The following NCKAP5 variants were observed in gnomAD, a reference collection of about 807,000 sequenced individuals.
NCKAP5 encodes NCK associated protein 5.
A neutral mutation model predicts 167.0 loss-of-function variants in NCKAP5; 92 were observed. The ratio of observed to expected loss-of-function variants is 0.55; its 90% CI spans 0.47 to 0.66. The LOEUF (loss-of-function observed/expected upper bound fraction) is 0.66. NCKAP5 is among the 30% of genes least tolerant of loss of function. The pLI, the probability that NCKAP5 is intolerant of heterozygous loss-of-function variation, is 0.00. For missense variants in NCKAP5, 2,378 were observed against 2,315.0 expected, an observed-to-expected ratio of 1.03 and a Z score of -0.56; for synonymous variants, 891 against 877.4, an observed-to-expected ratio of 1.02 and a Z score of -0.27.
intron 5 of NCKAP5, among the ~76,000 whole-genome samples, chr2:133,172,974 CG>C (rs1359483267): frequency 6.6e-6 from 1 of 152,078 alleles, no homozygotes; most frequent in Non-Finnish European, 1.5e-5. Context: ...CGGGAGCCAC[CG>C]TGACGGGCTA....
intron 8 of NCKAP5, among the ~76,000 whole-genome samples, chr2:132,897,088 A>G (rs969385815): frequency 6.6e-6 from 1 of 152,246 alleles, no homozygotes; most frequent in South Asian, 2.1e-4. Context: ...ACAGAGGATG[A>G]AATTTTAACT....
chr2:133,483,746 G>A (rs1262214260), intron 3 of NCKAP5, among the ~76,000 whole-genome samples: 4 of 152,036 alleles, frequency 2.6e-5, no homozygotes, highest in African/African-American at 7.2e-5. Context: ...CTAGAACAGT[G>A]GCTTCCCAAA....
intron 2 of NCKAP5, among the ~76,000 whole-genome samples, chr2:133,529,675 C>G (rs1314362708): frequency 6.6e-6 from 1 of 152,116 alleles, no homozygotes; most frequent in Non-Finnish European, 1.5e-5. Flanking sequence ...GTAAGACTAC[C>G]TGTTTTCCAT....
chr2:132,868,413 T>C (rs1418420256), intron 10 of NCKAP5, among the ~76,000 whole-genome samples: 1 of 152,164 alleles, frequency 6.6e-6, no homozygotes, highest in Non-Finnish European at 1.5e-5. Context: ...TGGTTACCAT[T>C]ATTTTATATG....
At chr2:132,714,425 G>A (rs764971574) in intron 19 of NCKAP5, among the ~76,000 whole-genome samples, 16 of 152,124 alleles carry the variant, frequency 1.1e-4, no homozygotes, top group African/African-American at 2.9e-4. Flanking sequence ...CACATCTAAT[G>A]TCATATCTGA....
rs149334965 is a variant in NCKAP5, at chr2:133,447,745, C to A, written c.69+69713G>T. 7.4e-3 allele frequency among the ~76,000 whole-genome samples: 1,119 copies of A among 152,150 alleles called. 17 individuals are homozygous for A. Among genetic ancestry groups the A allele is most frequent in the African/African-American group, 0.025 (1,043 of 41,500 alleles). On this transcript the variant is annotated intron_variant, in intron 3 of 19. Coordinates refer to ENST00000409261, the MANE Select transcript of NCKAP5 (RefSeq NM_207363.3). Reference sequence around the variant, plus strand: ...AAGTGATCCTCCAACCTTGGCCTCCCAAAATGCTGGGATTACAGGTGTAAG... The same window carrying A: ...AAGTGATCCTCCAACCTTGGCCTCCAAAAATGCTGGGATTACAGGTGTAAG...
chr2:132,937,019 G>A (rs1404477987), intron 8 of NCKAP5, among the ~76,000 whole-genome samples: 1 of 152,132 alleles, frequency 6.6e-6, no homozygotes, highest in African/African-American at 2.4e-5. Flanking sequence ...CCCAGCAAAG[G>A]TGTCCTATTA....
intron 13 of NCKAP5, among the ~76,000 whole-genome samples, chr2:132,786,659 G>GA (rs946172484): frequency 1.5e-4 from 22 of 147,142 alleles, no homozygotes; most frequent in African/African-American, 3.7e-4. Context: ...ATGGAAGGGG[G>GA]AAAAAAAAAA....
chr2:132,832,516 A>AC (rs1486459122), intron 11 of NCKAP5, among the ~76,000 whole-genome samples: 1 of 151,390 alleles, frequency 6.6e-6, no homozygotes, highest in Non-Finnish European at 1.5e-5. Flanking sequence ...CTCATCATCC[A>AC]CCCCCCAGCC....
At chr2:133,498,159 T>C (rs933606228) in intron 3 of NCKAP5, among the ~76,000 whole-genome samples, 1 of 152,156 alleles carries the variant, frequency 6.6e-6, no homozygotes, top group Non-Finnish European at 1.5e-5. Context: ...GTGGCTGTTT[T>C]TGTAAAAGCT....
chr2:133,105,677 G>C (rs1368170306), intron 6 of NCKAP5, among the ~76,000 whole-genome samples: 1 of 152,196 alleles, frequency 6.6e-6, no homozygotes, highest in Non-Finnish European at 1.5e-5. Context: ...GAATCTAAGA[G>C]GACCAGCTGG....
At chr2:133,293,185 G>A (rs989070532) in intron 4 of NCKAP5, among the ~76,000 whole-genome samples, 2 of 152,204 alleles carry the variant, frequency 1.3e-5, no homozygotes, top group Admixed American at 6.5e-5. Flanking sequence ...GGTTTAGAGT[G>A]AAGAGGAAGG....
At chr2:132,840,890 C>T (rs2105422143) in intron 11 of NCKAP5, among the ~76,000 whole-genome samples, 1 of 152,060 alleles carries the variant, frequency 6.6e-6, no homozygotes, top group Admixed American at 6.5e-5. Context: ...AAAAATTTCA[C>T]TGTATATTTA....
intron 8 of NCKAP5, among the ~76,000 whole-genome samples, chr2:132,950,498 A>G (rs1011469272): frequency 6.6e-6 from 1 of 152,182 alleles, no homozygotes; most frequent in African/African-American, 2.4e-5. Context: ...GACACTGAGG[A>G]TGGGGTAAGG....
intron 3 of NCKAP5, among the ~76,000 whole-genome samples, chr2:133,385,697 A>G (rs1309866816): frequency 6.6e-6 from 1 of 150,828 alleles, no homozygotes; most frequent in African/African-American, 2.4e-5. Context: ...TTGGTTGGTA[A>G]GCTATTAATT....
At chr2:133,577,173 C>T in the NCKAP5 span, among the ~76,000 whole-genome samples, 1 of 152,166 alleles carries the variant, frequency 6.6e-6, no homozygotes, top group African/African-American at 2.4e-5. Context: ...GGGTGATATG[C>T]CCAGGGCTTC....
chr2:133,171,850 A>T (rs2084262349), intron 5 of NCKAP5, among the ~76,000 whole-genome samples: 1 of 152,252 alleles, frequency 6.6e-6, no homozygotes, highest in Non-Finnish European at 1.5e-5. Context: ...TCTCTTAAAA[A>T]TAAGCCCTTC....
intron 3 of NCKAP5, among the ~76,000 whole-genome samples, chr2:133,436,612 C>A (rs889470630): frequency 6.6e-6 from 1 of 152,160 alleles, no homozygotes; most frequent in African/African-American, 2.4e-5. Flanking sequence ...CCTTTTCCTA[C>A]CTGTGCTTGT....
At chr2:132,889,762 A>G (rs1042313126) in intron 8 of NCKAP5, among the ~76,000 whole-genome samples, 2 of 152,226 alleles carry the variant, frequency 1.3e-5, no homozygotes, top group African/African-American at 4.8e-5. Context: ...ATATTGTCAA[A>G]TTATTATGAA....
Sources: gnomAD v4.1 joint callset for allele counts (sites outside exome capture counted in the v4.1 genomes callset) on GRCh38, gnomAD v4.1.1 for gene constraint, MANE v1.5 for transcripts, NCBI Gene and HGNC (gene_info 2026-07-23, HGNC 2026-07-21) for gene names.